SMAP1: variants seen among roughly 807,000 people sequenced by gnomAD.
SMAP1 encodes the protein small ArfGAP 1.
In SMAP1, 24 loss-of-function variants were observed where a neutral mutation model predicts 58.5. The observed-to-expected ratio is 0.41, with a 90% CI of 0.30 to 0.58. SMAP1 has a LOEUF of 0.58. Among genes scored for constraint, SMAP1 ranks in the 20% least tolerant of loss-of-function variants. The pLI is 0.29. For synonymous variants in SMAP1, 216 were observed against 196.6 expected (o/e 1.10, Z -0.82); for missense variants, 563 against 566.3 (o/e 0.99, Z 0.06).
At chr6:70,672,837 T>G (rs1309425448) in intron 1 of SMAP1, among the ~76,000 whole-genome samples, 1 of 151,858 alleles carries the variant, frequency 6.6e-6, no homozygotes, top group Non-Finnish European at 1.5e-5. Context: ...GGAGTGGGAT[T>G]TCATCAGATA....
intron 1 of SMAP1, among the ~76,000 whole-genome samples, chr6:70,699,727 G>A (rs1234052045): frequency 6.6e-6 from 1 of 151,680 alleles, no homozygotes; most frequent in African/African-American, 2.4e-5. Flanking sequence ...TGATGTTAAC[G>A]TAAGGTCCGA....
chr6:70,738,074 A>G lies in SMAP1; in HGVS notation c.252+5563A>G, dbSNP rs563609008. 1.9e-3 allele frequency among the ~76,000 whole-genome samples: 287 copies of G among 152,310 alleles called. 1 individual carries two copies. The highest frequency in any genetic ancestry group is 6.6e-3 in the African/African-American group (274 of 41,582). ...TTTACTCTTAACTGGAATGGTTTGTAAAGAGGCGGGACAACCACCTGGAAT... is the reference window on the plus strand; with the variant it reads ...TTTACTCTTAACTGGAATGGTTTGTGAAGAGGCGGGACAACCACCTGGAAT... On this transcript the variant is annotated intron_variant, in intron 2 of 10. Transcript: ENST00000370455.
chr6:70,764,798 C>T (rs1432163905), intron 3 of SMAP1, among the ~76,000 whole-genome samples: 2 of 152,062 alleles, frequency 1.3e-5, no homozygotes, highest in Non-Finnish European at 2.9e-5. Context: ...GTTTTACTTT[C>T]AAGTGTTTTT....
In SMAP1 at chr6:70,861,935, A is replaced by T. The variant is rs1339543950; in HGVS notation, c.*1601A>T. 1 of 1,613,964 alleles carries T rather than the reference A, an allele frequency of 6.2e-7. No individual in the cohort carries two copies. The highest frequency in any genetic ancestry group is 1.3e-5 in the African/African-American group (1 of 75,042). On this transcript the variant is annotated 3_prime_UTR_variant, in exon 11 of 11. Transcript: ENST00000370455. ...GCTGGGATCCACGACGCTTAAATAC[A>T]GCTTTTGGATTGGACAAAATGACTT...
At chr6:70,732,567 T>C (rs1765471920) in intron 2 of SMAP1, 56 bp downstream of exon 2, 2 of 1,382,002 alleles carry the variant, frequency 1.4e-6, no homozygotes. Context: ...TTTAAAAATA[T>C]TTAACCCTTC....
At chr6:70,673,113 C>A (rs1431369272) in intron 1 of SMAP1, among the ~76,000 whole-genome samples, 2 of 152,096 alleles carry the variant, frequency 1.3e-5, no homozygotes, top group Admixed American at 1.3e-4. Context: ...GGAAAGAGAT[C>A]CACTGTAGCT....
chr6:70,689,283 G>C (rs1465768556), intron 1 of SMAP1, among the ~76,000 whole-genome samples: 2 of 152,124 alleles, frequency 1.3e-5, no homozygotes, highest in Non-Finnish European at 2.9e-5. Context: ...TGCTGGGATT[G>C]CAGGTGTGAG....
rs953415561 is a variant in SMAP1 at position 70,860,680 on chromosome 6, T to G, written c.*346T>G. ...AAGTAGTTATCATGTTAGTAATACC[T>G]CTAATAGTATAAACCCCACCCCAAA... On this transcript the variant is annotated 3_prime_UTR_variant, in exon 11 of 11. Coordinates refer to ENST00000370455, the MANE Select transcript of SMAP1 (RefSeq NM_001044305.3). The G allele has an allele frequency of 3.4e-5, 14 of 409,918 alleles. No individual in the cohort carries two copies. Among genetic ancestry groups the G allele is most frequent in the Non-Finnish European group, 6.0e-5 (14 of 232,496 alleles). The allele number at this position is 409,918 out of a possible 1,614,324, so 25.4% of individuals were successfully genotyped here.
At chr6:70,746,147 A>G (rs1406007340) in intron 2 of SMAP1, among the ~76,000 whole-genome samples, 4 of 152,018 alleles carry the variant, frequency 2.6e-5, no homozygotes, top group Admixed American at 2.0e-4. Context: ...CTTTTTTCCT[A>G]ATTGAATACC....
chr6:70,861,635 G>C lies in SMAP1; in HGVS notation c.*1301G>C, dbSNP rs184646363. 5 of 1,600,636 alleles carry C rather than the reference G, an allele frequency of 3.1e-6. No homozygotes were observed. The African/African-American group carries it at 4.0e-5, about 13-fold the overall frequency. The stretch of plus-strand genomic sequence containing the variant: ...CTCTTCCATATGGATCCACTGGCTG[G>C]ACAAACTGCACCAGTTGCTGCTTCA... On this transcript the variant is annotated 3_prime_UTR_variant, in exon 11 of 11. Transcript: ENST00000370455.
intron 6 of SMAP1, among the ~76,000 whole-genome samples, chr6:70,809,541 C>G (rs1322490883): frequency 2.6e-5 from 4 of 152,248 alleles, no homozygotes; most frequent in Non-Finnish European, 5.9e-5. Context: ...TTAAATGGCT[C>G]ATTGCCAGAT....
At chr6:70,722,968 G>A (rs1768596654) in intron 1 of SMAP1, among the ~76,000 whole-genome samples, 1 of 152,222 alleles carries the variant, frequency 6.6e-6, no homozygotes, top group Non-Finnish European at 1.5e-5. Context: ...AGATTTGGGG[G>A]CCTATCCCCA....
chr6:70,679,349 T>G (rs1169965851), intron 1 of SMAP1, among the ~76,000 whole-genome samples: 1 of 152,026 alleles, frequency 6.6e-6, no homozygotes. Flanking sequence ...TGGTACAGAG[T>G]TGGGTGTATT....
At chr6:70,699,212 C>T (rs2149826340) in intron 1 of SMAP1, among the ~76,000 whole-genome samples, 1 of 152,316 alleles carries the variant, frequency 6.6e-6, no homozygotes, top group African/African-American at 2.4e-5. Flanking sequence ...GATTACCAGG[C>T]AGAGACTCTT....
chr6:70,757,919 G>T (rs1406833424), intron 3 of SMAP1, among the ~76,000 whole-genome samples: 3 of 151,972 alleles, frequency 2.0e-5, no homozygotes, highest in Admixed American at 6.5e-5. Flanking sequence ...TACACTGTTG[G>T]TGGGAATGTA....
intron 6 of SMAP1, among the ~76,000 whole-genome samples, chr6:70,809,488 A>G (rs893227294): frequency 6.6e-6 from 1 of 152,192 alleles, no homozygotes; most frequent in Admixed American, 6.5e-5. Context: ...AAAAGTGACA[A>G]CCACTTGTAA....
At chr6:70,738,339 C>T (rs1765691560) in intron 2 of SMAP1, among the ~76,000 whole-genome samples, 1 of 151,940 alleles carries the variant, frequency 6.6e-6, no homozygotes, top group Admixed American at 6.6e-5. Flanking sequence ...TGTTGGCACT[C>T]TCACATAAGT....
chr6:70,777,472 CG>C (rs1404201258), intron 4 of SMAP1, among the ~76,000 whole-genome samples: 7 of 151,748 alleles, frequency 4.6e-5, no homozygotes, highest in Non-Finnish European at 8.8e-5. Flanking sequence ...TTTTTGCTGT[CG>C]AGTTGTTCGA....
At chr6:70,782,782 C>T (rs1022109072) in intron 4 of SMAP1, among the ~76,000 whole-genome samples, 1 of 152,118 alleles carries the variant, frequency 6.6e-6, no homozygotes, top group Admixed American at 6.6e-5. Context: ...TGAAGAGAGG[C>T]CAACAACCTC....
Sources: allele counts gnomAD v4.1 joint callset (sites outside exome capture counted in the v4.1 genomes callset), GRCh38; gene constraint gnomAD v4.1.1; transcripts MANE v1.5; gene names NCBI Gene and HGNC (gene_info 2026-07-23, HGNC 2026-07-21).